The following COL28A1 variants were observed in gnomAD, a reference collection of about 807,000 sequenced individuals.
The protein encoded by COL28A1 is collagen type XXVIII alpha 1 chain.
COL28A1 carries 161 observed loss-of-function variants against 150.2 expected under a neutral mutation model. The observed-to-expected ratio is 1.07, with a 90% CI of 0.94 to 1.22. COL28A1 has a LOEUF of 1.22. Among genes scored for constraint, COL28A1 ranks in the 50% most tolerant of loss-of-function variants. The pLI is 0.00. For missense variants in COL28A1, 1,617 were observed against 1,388.3 expected, an observed-to-expected ratio of 1.16 and a Z score of -2.62; for synonymous variants, 552 against 469.7, an observed-to-expected ratio of 1.18 and a Z score of -2.26.
At chr7:7,377,281 G>A (rs1476789173) in intron 30 of COL28A1, among the ~76,000 whole-genome samples, 1 of 152,166 alleles carries the variant, frequency 6.6e-6, no homozygotes, top group African/African-American at 2.4e-5. Flanking sequence ...GACTGGAAGA[G>A]TTCATTCCTT....
At chr7:7,368,684 C>T (rs1475141645) in intron 33 of COL28A1, among the ~76,000 whole-genome samples, 1 of 152,142 alleles carries the variant, frequency 6.6e-6, no homozygotes, top group East Asian at 1.9e-4. Context: ...CATGTGAAGA[C>T]ATAACGAGAA....
intron 30 of COL28A1, among the ~76,000 whole-genome samples, chr7:7,377,824 C>A (rs201052885): frequency 2.2e-4 from 20 of 91,042 alleles, no homozygotes; most frequent in East Asian, 7.6e-4. Flanking sequence ...AAAAAAAAAA[C>A]CAGACATCAG....
At chr7:7,415,739 G>C (rs560665630) in intron 27 of COL28A1, among the ~76,000 whole-genome samples, 26 of 152,114 alleles carry the variant, frequency 1.7e-4, no homozygotes, top group African/African-American at 5.5e-4. Flanking sequence ...TCACCATATT[G>C]GTGAGGCTGG....
intron 33 of COL28A1, among the ~76,000 whole-genome samples, chr7:7,370,037 TA>T (rs1195724246): frequency 6.6e-6 from 1 of 152,102 alleles, no homozygotes; most frequent in East Asian, 1.9e-4. Context: ...ATTTTCTCCT[TA>T]AAAAAACTAA....
intron 27 of COL28A1, among the ~76,000 whole-genome samples, chr7:7,392,808 G>C (rs1220588271): frequency 2.6e-5 from 4 of 152,090 alleles, no homozygotes; most frequent in African/African-American, 9.7e-5. Flanking sequence ...TTCTCGTGCT[G>C]TGTTTTTCAG....
intron 32 of COL28A1, 124 bp downstream of exon 32, chr7:7,372,874 A>G (rs1460776322): frequency 1.5e-5 from 11 of 719,290 alleles, no homozygotes; most frequent in Non-Finnish European, 2.1e-5. Flanking sequence ...ACGTGTTACC[A>G]TTTAATGTTG....
At chr7:7,510,985 A>C in intron 9 of COL28A1, 106 bp downstream of exon 9, 1 of 857,674 alleles carries the variant, frequency 1.2e-6, no homozygotes, top group Middle Eastern at 2.2e-4. Flanking sequence ...CATTGATTCC[A>C]ACTCTAGTAG....
intron 6 of COL28A1, 150 bp from the exon 7 acceptor site, chr7:7,517,987 C>CAA (rs67184564): frequency 1.8e-4 from 94 of 519,552 alleles, no homozygotes; most frequent in Middle Eastern, 5.9e-4. Context: ...GCAATCTAGG[C>CAA]AAAAAAAAAA....
chr7:7,513,775 G>C (rs912093580), intron 8 of COL28A1, among the ~76,000 whole-genome samples: 78 of 152,222 alleles, frequency 5.1e-4, no homozygotes, highest in Admixed American at 3.3e-4. Flanking sequence ...ATAGGGGCCT[G>C]AGGAACAGCA....
intron 16 of COL28A1, among the ~76,000 whole-genome samples, chr7:7,454,458 G>T (rs1482942621): frequency 3.9e-5 from 6 of 152,068 alleles, no homozygotes; most frequent in African/African-American, 1.4e-4. Context: ...TTCCAATAGA[G>T]ATCAGCTCTG....
rs33991942 is a variant in COL28A1, at chr7:7,391,801, CTTTT to C, written c.2137-10193_2137-10190del. On this transcript the variant is annotated intron_variant, in intron 27 of 34. Transcript: ENST00000399429. ...TCAGAGACTAGGATTGCAACCCCTGCTTTTTTTTTTTTTTTTTTTGCTTTCCATT... is the reference window on the plus strand; with the variant it reads ...TCAGAGACTAGGATTGCAACCCCTGCTTTTTTTTTTTTTTTGCTTTCCATT... Among the ~76,000 whole-genome samples the C allele has an allele frequency of 2.9e-3, 333 of 115,836 alleles. 1 individual carries two copies. Among genetic ancestry groups the C allele is most frequent in the Admixed American group, 5.4e-3 (61 of 11,208 alleles). 76.0% of individuals were successfully genotyped at this position (115,836 alleles called of 152,430 possible).
At chr7:7,532,647 A>C in intron 2 of COL28A1, 105 bp downstream of exon 2, 3 of 1,375,384 alleles carry the variant, frequency 2.2e-6, no homozygotes, top group Non-Finnish European at 2.9e-6. Context: ...TATCACATGT[A>C]TACATGTATA....
intron 33 of COL28A1, among the ~76,000 whole-genome samples, chr7:7,362,130 G>T (rs1780700841): frequency 1.3e-5 from 2 of 152,150 alleles, no homozygotes; most frequent in African/African-American, 4.8e-5. Context: ...GTATACCTAT[G>T]TAACAAACCT....
intron 6 of COL28A1, 62 bp downstream of exon 6, chr7:7,520,000 T>C (rs1781625832): frequency 1.2e-6 from 1 of 832,404 alleles, no homozygotes; most frequent in Non-Finnish European, 2.0e-6. Context: ...AAAATTGTTG[T>C]TTTAAAAAAA....
Position 7,373,696 on chromosome 7 carries a change from T to C in COL28A1, c.2360-150A>G. On this transcript the variant is annotated intron_variant, in intron 31 of 34. Transcript: ENST00000399429. This position sits in a 1 kb window ranked among gnomAD's most constrained non-coding sequence, Gnocchi z 4.1. ...TGAAAATACCTGACAGCTGTCTCCA[T>C]TCTGGTTTCTTTTTTTTTTTGTGAG... 1.5e-6 allele frequency: 1 copy of C among 646,636 alleles called. No homozygotes were observed. The highest frequency in any genetic ancestry group is 2.5e-6 in the Non-Finnish European group (1 of 402,006). 40.1% of individuals were successfully genotyped at this position (646,636 alleles called of 1,614,324 possible).
chr7:7,348,060 G>C, the COL28A1 span, among the ~76,000 whole-genome samples: 1 of 152,048 alleles, frequency 6.6e-6, no homozygotes, highest in Non-Finnish European at 1.5e-5. Flanking sequence ...AACATATAGA[G>C]GAGGAAATAG....
intron 25 of COL28A1, among the ~76,000 whole-genome samples, chr7:7,426,948 C>A (rs1487696333): frequency 6.6e-6 from 1 of 152,152 alleles, no homozygotes; most frequent in Non-Finnish European, 1.5e-5. Context: ...TATAATTTTC[C>A]ACTGGGAGAA....
intron 33 of COL28A1, among the ~76,000 whole-genome samples, chr7:7,370,422 TTG>T (rs1300253592): frequency 6.6e-6 from 1 of 152,194 alleles, no homozygotes; most frequent in Non-Finnish European, 1.5e-5. Flanking sequence ...ATTCAGAGTG[TTG>T]TGTTAATCTG....
intron 6 of COL28A1, among the ~76,000 whole-genome samples, chr7:7,519,561 G>A (rs1781598691): frequency 6.6e-6 from 1 of 152,232 alleles, no homozygotes; most frequent in East Asian, 1.9e-4. Context: ...ACAGATGAAT[G>A]TTTTCTTTAA....
Sources: gnomAD v4.1 joint callset for allele counts (sites outside exome capture counted in the v4.1 genomes callset) on GRCh38, gnomAD v4.1.1 for gene constraint, Gnocchi (gnomAD v3.1) non-coding constraint, MANE v1.5 for transcripts, NCBI Gene and HGNC (gene_info 2026-07-23, HGNC 2026-07-21) for gene names.